Variants in VWA3B observed in about 807,000 individuals in gnomAD.
The protein encoded by VWA3B is von Willebrand factor A domain-containing protein 3B.
VWA3B carries 138 observed loss-of-function variants against 158.3 expected under a neutral mutation model. The ratio of observed to expected loss-of-function variants is 0.87; its 90% CI spans 0.76 to 1.00. The LOEUF (loss-of-function observed/expected upper bound fraction) is 1.00, where lower values mean the gene tolerates loss of function less well. VWA3B is among the 50% of genes least tolerant of loss of function. The pLI is 0.00. For synonymous variants in VWA3B, 596 were observed against 587.3 expected (o/e 1.01, Z -0.21); for missense variants, 1,555 against 1,565.1 (o/e 0.99, Z 0.11).
At chr2:98,293,054 C>T (rs1689591690) in intron 23 of VWA3B, among the ~76,000 whole-genome samples, 1 of 151,960 alleles carries the variant, frequency 6.6e-6, no homozygotes, top group Non-Finnish European at 1.5e-5. Flanking sequence ...TGGCTAGGGC[C>T]CCGGGAAAAT....
Position 98,188,145 on chromosome 2 carries a change from A to C in VWA3B, c.1466+16A>C. On this transcript the variant is annotated intron_variant, in intron 10 of 27. Coordinates refer to ENST00000477737, the MANE Select transcript of VWA3B (RefSeq NM_144992.5). ...TCCGAAGGAGGTTGGTGTTATTTGC[A>C]GGAAGTTACAAGTGGTCTCCTCGCT... The C allele has an allele frequency of 6.2e-7, 1 of 1,605,056 alleles. No homozygotes were observed. The highest frequency in any genetic ancestry group is 8.5e-7 in the Non-Finnish European group (1 of 1,175,246).
At chr2:98,270,441 G>A (rs1688126489) in intron 21 of VWA3B, among the ~76,000 whole-genome samples, 1 of 152,150 alleles carries the variant, frequency 6.6e-6, no homozygotes, top group East Asian at 1.9e-4. Context: ...GAGGTAATAG[G>A]GAAAAGTGCC....
chr2:98,097,632 T>A (rs1682805282), intron 2 of VWA3B, among the ~76,000 whole-genome samples: 1 of 152,166 alleles, frequency 6.6e-6, no homozygotes. Flanking sequence ...GTAGTGGGAT[T>A]GCTGGATAAA....
At chr2:98,200,910 T>C (rs1478430513) in intron 12 of VWA3B, among the ~76,000 whole-genome samples, 2 of 152,252 alleles carry the variant, frequency 1.3e-5, no homozygotes, top group Non-Finnish European at 2.9e-5. Flanking sequence ...TCCGTGGAAT[T>C]ACTATTGCTT....
chr2:98,207,772 T>TGGCTAACATGGTGAAACCCC, intron 12 of VWA3B: 1 of 305,770 alleles, frequency 3.3e-6, no homozygotes, highest in Non-Finnish European at 6.4e-6. Flanking sequence ...TCTGCTGTAC[T>TGGCTAACATGGTGAAACCCC]GTCCCTCTCC....
chr2:98,296,936 T>G (rs1042649004), intron 23 of VWA3B, among the ~76,000 whole-genome samples: 1 of 151,048 alleles, frequency 6.6e-6, no homozygotes, highest in South Asian at 2.1e-4. Flanking sequence ...TATGTTTGTG[T>G]GTATATATAT....
At chr2:98,180,203 T>G (rs1274999448) in intron 8 of VWA3B, among the ~76,000 whole-genome samples, 1 of 151,828 alleles carries the variant, frequency 6.6e-6, no homozygotes, top group Non-Finnish European at 1.5e-5. Context: ...CTTTCATTCT[T>G]TCCTCTTTTT....
rs115055125 is a variant in VWA3B, at chr2:98,164,765, C to T, written c.1114+1789C>T. Among the ~76,000 whole-genome samples, 829 of 152,328 alleles carry T rather than the reference C, an allele frequency of 5.4e-3. 10 individuals carry two copies. The highest frequency in any genetic ancestry group is 0.019 in the African/African-American group (797 of 41,568). On this transcript the variant is annotated intron_variant, in intron 8 of 27. Coordinates refer to ENST00000477737, the MANE Select transcript of VWA3B (RefSeq NM_144992.5). ...TGGTGTTTGATGGGTTCCAGCCCCA[C>T]AACTGCACCATACAAACAACCTCAC...
At chr2:98,210,640 A>C (rs1393176912) in intron 12 of VWA3B, among the ~76,000 whole-genome samples, 1 of 152,108 alleles carries the variant, frequency 6.6e-6, no homozygotes, top group Non-Finnish European at 1.5e-5. Context: ...GAGAGTGCCC[A>C]TGGTATATGG....
chr2:98,219,589 C>T (rs955099315), intron 14 of VWA3B, among the ~76,000 whole-genome samples: 10 of 152,118 alleles, frequency 6.6e-5, no homozygotes, highest in Non-Finnish European at 1.2e-4. Context: ...TCCAAAAGAA[C>T]CTCAATGAAT....
chr2:98,124,875 C>T (rs1252679373), intron 5 of VWA3B, among the ~76,000 whole-genome samples: 1 of 152,108 alleles, frequency 6.6e-6, no homozygotes, highest in African/African-American at 2.4e-5. Context: ...ATGCATGTTA[C>T]TGTGTGAAGC....
rs142626921 is a variant in VWA3B at position 98,090,674 on chromosome 2, G to GTA, written c.-32-2384_-32-2383dup. On this transcript the variant is annotated intron_variant, in intron 1 of 27. Transcript: ENST00000477737. ...GCCAGATCTTCACCAATAATAATTT[G>GTA]TATACCTTTGCAACTCAACATATGT... Among the ~76,000 whole-genome samples, 1,079 of 151,974 alleles carry GTA rather than the reference G, an allele frequency of 7.1e-3. 14 individuals carry two copies. The highest frequency in any genetic ancestry group is 0.025 in the African/African-American group (1,019 of 41,418).
At chr2:98,136,805 C>T (rs1257443510) in intron 7 of VWA3B, among the ~76,000 whole-genome samples, 1 of 152,176 alleles carries the variant, frequency 6.6e-6, no homozygotes, top group Non-Finnish European at 1.5e-5. Context: ...ATTTGTCCCA[C>T]CCTCACCCCT....
chr2:98,262,480 G>C (rs977918718), intron 21 of VWA3B, among the ~76,000 whole-genome samples: 2 of 151,732 alleles, frequency 1.3e-5, no homozygotes, highest in Admixed American at 6.6e-5. Flanking sequence ...TCATTCTTTT[G>C]CATATGGATA....
intron 22 of VWA3B, among the ~76,000 whole-genome samples, chr2:98,286,730 G>A (rs1689186354): frequency 6.6e-6 from 1 of 152,044 alleles, no homozygotes; most frequent in Admixed American, 6.6e-5. Flanking sequence ...TAGGTCTATA[G>A]TGTCCTTTTC....
chr2:98,269,990 C>A (rs1310219367), intron 21 of VWA3B, among the ~76,000 whole-genome samples: 1 of 152,156 alleles, frequency 6.6e-6, no homozygotes, highest in Non-Finnish European at 1.5e-5. Context: ...GAATTGTTTT[C>A]TTTCTCCCTA....
chr2:98,172,179 C>T (rs1210856543), intron 8 of VWA3B, among the ~76,000 whole-genome samples: 3 of 152,188 alleles, frequency 2.0e-5, no homozygotes, highest in Admixed American at 6.5e-5. Context: ...CCAGAAGAAT[C>T]GGATCACACG....
intron 2 of VWA3B, among the ~76,000 whole-genome samples, chr2:98,096,035 A>G (rs1328083611): frequency 2.0e-5 from 3 of 152,152 alleles, no homozygotes; most frequent in African/African-American, 7.2e-5. Flanking sequence ...TATTCTGCTG[A>G]GCATTTTGCA....
intron 23 of VWA3B, among the ~76,000 whole-genome samples, chr2:98,295,107 G>A (rs1381831043): frequency 1.3e-5 from 2 of 152,238 alleles, no homozygotes; most frequent in African/African-American, 4.8e-5. Context: ...AGCAGCAAAA[G>A]TCAGCACAGA....
Sources: gnomAD v4.1 joint callset for allele counts (sites outside exome capture counted in the v4.1 genomes callset) on GRCh38, gnomAD v4.1.1 for gene constraint, MANE v1.5 for transcripts, NCBI Gene and HGNC (gene_info 2026-07-23, HGNC 2026-07-21) for gene names.